NRTN: variants seen among roughly 807,000 people sequenced by gnomAD.
NRTN encodes the protein neurturin, also known as prepro-neurturin.
In NRTN, 3 loss-of-function variants were observed where a neutral mutation model predicts 7.5. The observed-to-expected ratio is 0.40, with a 90% CI of 0.18 to 1.03. The LOEUF is 1.03. Among genes scored for constraint, NRTN ranks in the 50% least tolerant of loss-of-function variants. The pLI is 0.34. For synonymous variants in NRTN, 157 were observed against 146.6 expected (o/e 1.07, Z -0.51); for missense variants, 310 against 307.0 (o/e 1.01, Z -0.07).
At position 5,805,306 on chromosome 19, in the gene NRTN, C is replaced by T. The variant is rs1427222047; in HGVS notation, c.-544C>T. Among the ~76,000 whole-genome samples the T allele has an allele frequency of 6.9e-6, 1 of 145,944 alleles. No homozygotes were observed. The highest frequency in any genetic ancestry group is 1.5e-5 in the Non-Finnish European group (1 of 65,698). ...GGGGGGCCCCATGGGCCGGCCCGCG[C>T]CGCACCCCGCCCGCGGCCGCCCCCT... is the stretch of plus-strand genomic sequence containing the variant. On this transcript the variant is annotated 5_prime_UTR_variant, in exon 1 of 3. Transcript: ENST00000303212.
intron 1 of NRTN, among the ~76,000 whole-genome samples, chr19:5,810,234 T>C (rs1446919024): frequency 7.0e-6 from 1 of 142,540 alleles, no homozygotes; most frequent in Non-Finnish European, 1.5e-5. Flanking sequence ...GCCACTGCAC[T>C]CCAGCCTGGG....
intron 1 of NRTN, among the ~76,000 whole-genome samples, chr19:5,815,378 G>T (rs1222150483): frequency 6.6e-6 from 1 of 151,730 alleles, no homozygotes; most frequent in Non-Finnish European, 1.5e-5. Flanking sequence ...CCAGCACGTG[G>T]ATATAACGTT....
chr19:5,820,817 C>A (rs2057022206), intron 1 of NRTN, among the ~76,000 whole-genome samples: 1 of 151,262 alleles, frequency 6.6e-6, no homozygotes, highest in Non-Finnish European at 1.5e-5. Flanking sequence ...CTGCTGCCAT[C>A]CGCTTCTGCA....
At chr19:5,827,331 A>G (rs1449759727) in intron 2 of NRTN, among the ~76,000 whole-genome samples, 1 of 151,042 alleles carries the variant, frequency 6.6e-6, no homozygotes, top group East Asian at 2.0e-4. Flanking sequence ...GGCGGGGTCC[A>G]GATAGATTTG....
intron 2 of NRTN, 52 bp from the exon 3 acceptor site, chr19:5,827,697 C>T (rs2057051925): frequency 7.3e-6 from 2 of 275,032 alleles, no homozygotes; most frequent in Non-Finnish European, 1.2e-5. Context: ...GGGGCTCCCT[C>T]CCACCCCCTG....
chr19:5,805,349 C>T lies in NRTN; in HGVS notation c.-501C>T, dbSNP rs932360232. Among the ~76,000 whole-genome samples, 1 of 146,036 alleles carries T rather than the reference C, an allele frequency of 6.8e-6. No individual in the cohort carries two copies. Among genetic ancestry groups the T allele is most frequent in the Non-Finnish European group, 1.5e-5 (1 of 65,874 alleles). Reference sequence around the variant, plus strand: ...CGCCCCCTCCGGCCCGGGCCCCCCCCGGGCACCGCGGGCCCAGGCGGCCCG... The same window carrying T: ...CGCCCCCTCCGGCCCGGGCCCCCCCTGGGCACCGCGGGCCCAGGCGGCCCG... On this transcript the variant is annotated 5_prime_UTR_variant, in exon 1 of 3. Transcript: ENST00000303212.
intron 2 of NRTN, among the ~76,000 whole-genome samples, chr19:5,824,716 A>G (rs1313389180): frequency 1.3e-5 from 2 of 152,330 alleles, no homozygotes; most frequent in East Asian, 3.9e-4. Context: ...CAAGAGTTCA[A>G]GGCTGCATTG....
chr19:5,808,113 C>A (rs1401948933), intron 1 of NRTN, among the ~76,000 whole-genome samples: 1 of 152,146 alleles, frequency 6.6e-6, no homozygotes. Flanking sequence ...ATTGAGCTGA[C>A]CTGTTTCCCG....
At chr19:5,815,152 C>CTG (rs140215644) in intron 1 of NRTN, among the ~76,000 whole-genome samples, 2 of 151,800 alleles carry the variant, frequency 1.3e-5, no homozygotes, top group East Asian at 1.9e-4. Context: ...CTGTGCACCC[C>CTG]TGTGTGTGTG....
chr19:5,814,795 C>A (rs1471946238), intron 1 of NRTN, among the ~76,000 whole-genome samples: 1 of 151,708 alleles, frequency 6.6e-6, no homozygotes, highest in African/African-American at 2.4e-5. Context: ...TGTGTGGCCT[C>A]CAGCTAAAAG....
rs1388732327 is a variant in NRTN at position 5,806,691 on chromosome 19, A to C, written c.-399+1240A>C. 2.6e-5 allele frequency among the ~76,000 whole-genome samples: 4 copies of C among 152,032 alleles called. No individual in the cohort carries two copies. Among genetic ancestry groups the C allele is most frequent in the Non-Finnish European group, 5.9e-5 (4 of 68,006 alleles). On this transcript the variant is annotated intron_variant, in intron 1 of 2. Transcript: ENST00000303212. The surrounding 1 kb of genome is among the most constrained non-coding windows in gnomAD (Gnocchi z 5.4). ...TCCGGCACCGACTCCACCCCCAGGG[A>C]GCTACAGAAAGCTTCTTCCAGGGGT...
Position 5,827,881 on chromosome 19 carries a change from G to C in NRTN, c.302G>C (p.Arg101Pro), listed in dbSNP as rs2057053733. ...CGCGCGCGTGCGCGGTTGGGGGCGC[G>C]GCCTTGCGGGCTGCGCGAGCTGGAG... The part of the protein sequence containing the change: ...RRRARARLGA[R>P]PCGLRELEVR... The change falls in exon 3 of 3, where the codon CGG (arginine) becomes CCG (proline). Residue 101 changes from arginine (R) to proline (P), a missense_variant. Transcript: ENST00000303212. The C allele has an allele frequency of 2.3e-6, 3 of 1,316,302 alleles. No individual in the cohort carries two copies. The highest frequency in any genetic ancestry group is 2.9e-6 in the Non-Finnish European group (3 of 1,030,786). The allele number at this position is 1,316,302 out of a possible 1,614,324, so 81.5% of individuals were successfully genotyped here.
At chr19:5,811,708 TTG>T (rs67558660) in intron 1 of NRTN, among the ~76,000 whole-genome samples, 8,171 of 127,302 alleles carry the variant, frequency 0.064, 432 homozygotes, top group African/African-American at 0.18. Context: ...AATTTGTTTT[TTG>T]TTTTTTTTTT....
At chr19:5,813,008 G>A (rs141556548) in intron 1 of NRTN, among the ~76,000 whole-genome samples, 3 of 152,280 alleles carry the variant, frequency 2.0e-5, no homozygotes, top group Non-Finnish European at 4.4e-5. Context: ...AAGAGCACAA[G>A]AGCCACTTGG....
chr19:5,809,042 A>C (rs188946396), intron 1 of NRTN, among the ~76,000 whole-genome samples: 4 of 151,932 alleles, frequency 2.6e-5, no homozygotes, highest in Non-Finnish European at 4.4e-5. Flanking sequence ...GGTGTGAGCC[A>C]CTGCGCCCGT....
chr19:5,826,066 C>A (rs1435338961), intron 2 of NRTN, among the ~76,000 whole-genome samples: 2 of 151,328 alleles, frequency 1.3e-5, no homozygotes, highest in African/African-American at 4.9e-5. Context: ...ACCCGGGAGG[C>A]GGAGCTTGCA....
Position 5,806,482 on chromosome 19 carries a change from TG to T in NRTN, c.-399+1032del, listed in dbSNP as rs2056975534. Among the ~76,000 whole-genome samples, 1 of 152,112 alleles carries T rather than the reference TG, an allele frequency of 6.6e-6. No homozygotes were observed. The highest frequency in any genetic ancestry group is 1.5e-5 in the Non-Finnish European group (1 of 68,022). On this transcript the variant is annotated intron_variant, in intron 1 of 2. Coordinates refer to ENST00000303212, the MANE Select transcript of NRTN (RefSeq NM_004558.5). This position sits in a 1 kb window ranked among gnomAD's most constrained non-coding sequence, Gnocchi z 5.4. ...CTTGTCCCTGTTCCATGGCCCTCTT[TG>T]TCTGTCTCTGAGTGCCCCGGGCTGA...
Position 5,828,205 on chromosome 19 carries a change from TC to T in NRTN, c.*38del, listed in dbSNP as rs1227989533. On this transcript the variant is annotated 3_prime_UTR_variant, in exon 3 of 3. Transcript: ENST00000303212. The stretch of plus-strand genomic sequence containing the variant: ...CTCACTCGGCCGGCGCGGCGGCCAC[TC>T]CCCCCGCCTCGACGGCACCACTGGC... 8 of 1,519,628 alleles carry T rather than the reference TC, an allele frequency of 5.3e-6. No individual in the cohort carries two copies. In the African/African-American group the frequency reaches 5.6e-5, roughly 11 times the overall value. 94.1% of individuals were successfully genotyped at this position (1,519,628 alleles called of 1,614,324 possible).
rs1006323660 is a variant in NRTN at position 5,823,043 on chromosome 19, G to A, written c.-398-725G>A. Among the ~76,000 whole-genome samples the A allele has an allele frequency of 2.4e-4, 35 of 147,340 alleles. 2 individuals are homozygous for A. The highest frequency in any genetic ancestry group is 2.3e-3 in the Admixed American group (33 of 14,434). ...TGTCTCAAAAAAAAAGAAAGAGAGA[G>A]AGAGAAAGAAAGAAAGGAAAGAAAG... On this transcript the variant is annotated intron_variant, in intron 1 of 2. Transcript: ENST00000303212.
Sources: allele counts gnomAD v4.1 joint callset (sites outside exome capture counted in the v4.1 genomes callset), GRCh38; gene constraint gnomAD v4.1.1; non-coding constraint Gnocchi (gnomAD v3.1); transcripts MANE v1.5; gene names NCBI Gene and HGNC (gene_info 2026-07-23, HGNC 2026-07-21).